HS6ST3: variants seen among roughly 807,000 people sequenced by gnomAD.
HS6ST3 encodes the protein heparan sulfate 6-O-sulfotransferase 3, also known as heparan-sulfate 6-O-sulfotransferase 3.
HS6ST3 carries 12 observed loss-of-function variants against 36.7 expected under a neutral mutation model. The ratio of observed to expected loss-of-function variants is 0.33; its 90% confidence interval spans 0.21 to 0.53. HS6ST3 has a LOEUF of 0.53. Ranked by LOEUF, HS6ST3 falls within the 20% of genes least tolerant of loss-of-function variation. HS6ST3 has a pLI of 0.95. For synonymous variants in HS6ST3, 240 were observed against 257.5 expected (o/e 0.93, Z 0.65); for missense variants, 584 against 640.9 (o/e 0.91, Z 0.96).
intron 1 of HS6ST3, among the ~76,000 whole-genome samples, chr13:96,417,588 A>G (rs917780411): frequency 2.1e-4 from 17 of 80,028 alleles, no homozygotes; most frequent in African/African-American, 8.2e-4. Flanking sequence ...TAGCATATAT[A>G]TATGTGTGTG....
intron 1 of HS6ST3, among the ~76,000 whole-genome samples, chr13:96,715,119 A>G (rs2138464114): frequency 6.6e-6 from 1 of 152,338 alleles, no homozygotes; most frequent in African/African-American, 2.4e-5. Flanking sequence ...TTAAATAACA[A>G]AAACAAAAAT....
At chr13:96,465,018 G>A (rs1206584522) in intron 1 of HS6ST3, among the ~76,000 whole-genome samples, 6 of 150,464 alleles carry the variant, frequency 4.0e-5, no homozygotes. Context: ...CTTTAATGGC[G>A]AAGTTGATTC....
In HS6ST3 at chr13:96,697,533, C is replaced by A. The variant is rs577664254; in HGVS notation, c.708-134957C>A. 9.2e-5 allele frequency among the ~76,000 whole-genome samples: 14 copies of A among 152,166 alleles called. No individual in the cohort carries two copies. The South Asian group carries it at 2.7e-3, about 29-fold the overall frequency. The stretch of plus-strand genomic sequence containing the variant: ...CTGAATAAGAAAACACCTATAAACA[C>A]ATATAATGAATAAGAAAACACCTAT... On this transcript the variant is annotated intron_variant, in intron 1 of 1. Transcript: ENST00000376705.
chr13:96,304,711 C>CTTTCTTTCTTTCTTTCT (rs766397124), intron 1 of HS6ST3, among the ~76,000 whole-genome samples: 5 of 89,338 alleles, frequency 5.6e-5, no homozygotes, highest in African/African-American at 1.8e-4. Context: ...TTCTTTCTTT[C>CTTTCTTTCTTTCTTTCT]TTTTTTTTTT....
At chr13:96,118,163 C>T (rs749814798) in intron 1 of HS6ST3, among the ~76,000 whole-genome samples, 16 of 152,126 alleles carry the variant, frequency 1.1e-4, no homozygotes, top group Non-Finnish European at 1.8e-4. Context: ...TGAGCCACCA[C>T]GCCCAGCCAG....
At chr13:96,352,725 G>C (rs1488896819) in intron 1 of HS6ST3, among the ~76,000 whole-genome samples, 1 of 152,140 alleles carries the variant, frequency 6.6e-6, no homozygotes, top group South Asian at 2.1e-4. Flanking sequence ...GTTTATAACA[G>C]AAAAACAAAT....
intron 1 of HS6ST3, among the ~76,000 whole-genome samples, chr13:96,216,418 C>T (rs1036513082): frequency 3.9e-5 from 6 of 152,146 alleles, no homozygotes; most frequent in African/African-American, 1.4e-4. Flanking sequence ...TTCCTGCTCC[C>T]CGCCCACCAA....
intron 1 of HS6ST3, among the ~76,000 whole-genome samples, chr13:96,662,849 A>G (rs558648946): frequency 5.0e-4 from 76 of 151,964 alleles, no homozygotes; most frequent in Non-Finnish European, 1.0e-3. Flanking sequence ...TTCTGTCAGC[A>G]AGTTTTGTGT....
chr13:96,288,476 G>C (rs2054814569), intron 1 of HS6ST3, among the ~76,000 whole-genome samples: 1 of 152,190 alleles, frequency 6.6e-6, no homozygotes, highest in East Asian at 1.9e-4. Flanking sequence ...TAGGGTTACT[G>C]TCTGGGAATA....
chr13:96,774,512 A>G (rs1877342631), intron 1 of HS6ST3, among the ~76,000 whole-genome samples: 1 of 152,340 alleles, frequency 6.6e-6, no homozygotes. Flanking sequence ...TGAAAAACAC[A>G]GCACGAGAAC....
chr13:96,678,230 A>G (rs139041883), intron 1 of HS6ST3, among the ~76,000 whole-genome samples: 4 of 152,312 alleles, frequency 2.6e-5, no homozygotes, highest in African/African-American at 9.6e-5. Context: ...GCATTAATCC[A>G]TTCATGAACA....
intron 1 of HS6ST3, among the ~76,000 whole-genome samples, chr13:96,333,714 T>A (rs2055084795): frequency 6.6e-6 from 1 of 152,170 alleles, no homozygotes; most frequent in Non-Finnish European, 1.5e-5. Context: ...AGGTGCTTTA[T>A]AAGATTTAAA....
chr13:96,111,277 G>A (rs2053867280), intron 1 of HS6ST3, among the ~76,000 whole-genome samples: 1 of 152,164 alleles, frequency 6.6e-6, no homozygotes, highest in African/African-American at 2.4e-5. Context: ...AATTACTTCT[G>A]AATGTGCATA....
At chr13:96,550,566 T>C (rs1171211300) in intron 1 of HS6ST3, among the ~76,000 whole-genome samples, 1 of 152,218 alleles carries the variant, frequency 6.6e-6, no homozygotes, top group Non-Finnish European at 1.5e-5. Context: ...CCATGTCATC[T>C]TTGTCACCAG....
chr13:96,806,357 T>C (rs995289057), intron 1 of HS6ST3, among the ~76,000 whole-genome samples: 4 of 152,238 alleles, frequency 2.6e-5, no homozygotes, highest in Non-Finnish European at 5.9e-5. Context: ...CCAGCCCTTG[T>C]CATCACTGAA....
intron 1 of HS6ST3, among the ~76,000 whole-genome samples, chr13:96,415,355 A>G (rs1482729882): frequency 3.3e-5 from 5 of 152,234 alleles, no homozygotes. Context: ...GGGACACAGC[A>G]TAATACAACT....
chr13:96,602,724 A>C (rs909771572), intron 1 of HS6ST3, among the ~76,000 whole-genome samples: 6 of 152,244 alleles, frequency 3.9e-5, no homozygotes, highest in African/African-American at 1.4e-4. Flanking sequence ...CTTATGCCAC[A>C]GTGGATCTAG....
intron 1 of HS6ST3, among the ~76,000 whole-genome samples, chr13:96,546,620 T>C (rs2056198694): frequency 6.6e-6 from 1 of 152,298 alleles, no homozygotes; most frequent in African/African-American, 2.4e-5. Context: ...CCTGTTTTTA[T>C]GGGGTTGAAA....
intron 1 of HS6ST3, among the ~76,000 whole-genome samples, chr13:96,581,126 A>G (rs977796902): frequency 1.4e-4 from 22 of 152,142 alleles, no homozygotes; most frequent in African/African-American, 5.3e-4. Flanking sequence ...TTCAAACCAT[A>G]CTAGTATACC....
Sources: allele counts gnomAD v4.1 joint callset (sites outside exome capture counted in the v4.1 genomes callset), GRCh38; gene constraint gnomAD v4.1.1; transcripts MANE v1.5; gene names NCBI Gene and HGNC (gene_info 2026-07-23, HGNC 2026-07-21).